The following SRD5A1 variants were observed in gnomAD, a reference collection of about 807,000 sequenced individuals.
SRD5A1 encodes the protein 3-oxo-5-alpha-steroid 4-dehydrogenase 1.
SRD5A1 carries 22 observed loss-of-function variants against 28.2 expected under a neutral mutation model. That is an observed-to-expected ratio of 0.78 (90% confidence interval 0.56 to 1.12). The LOEUF is 1.12. Ranked by LOEUF, SRD5A1 falls within the 50% of genes most tolerant of loss-of-function variation. The pLI, the probability that SRD5A1 is intolerant of heterozygous loss-of-function variation, is 0.00. For synonymous variants in SRD5A1, 151 were observed against 135.0 expected, an observed-to-expected ratio of 1.12 and a Z score of -0.82; for missense variants, 300 against 346.7, an observed-to-expected ratio of 0.87 and a Z score of 1.07.
At chr5:6,644,660 A>G (rs1412556875) in intron 1 of SRD5A1, 12 of 357,290 alleles carry the variant, frequency 3.4e-5, no homozygotes, top group Non-Finnish European at 6.6e-5. Flanking sequence ...GTCTAACACA[A>G]GGCCTCCTGT....
At chr5:6,639,426 T>G (rs1738295246) in intron 1 of SRD5A1, among the ~76,000 whole-genome samples, 1 of 152,220 alleles carries the variant, frequency 6.6e-6, no homozygotes, top group African/African-American at 2.4e-5. Flanking sequence ...TTTGAATAGC[T>G]GGAGAAATCA....
Position 6,662,977 on chromosome 5 carries a change from A to T in SRD5A1, c.713+11A>T, listed in dbSNP as rs368578687. 6.2e-7 allele frequency: 1 copy of T among 1,613,514 alleles called. No homozygotes were observed. Among genetic ancestry groups the T allele is most frequent in the African/African-American group, 1.3e-5 (1 of 74,906 alleles). ...AAAAGAGCATCATGAGTAAGTTTTA[A>T]AACACTTTTACCATTTGTAATTTGT... On this transcript the variant is annotated intron_variant, in intron 4 of 4. Transcript: ENST00000274192.
chr5:6,647,468 G>A (rs1738540801), intron 1 of SRD5A1, among the ~76,000 whole-genome samples: 1 of 152,036 alleles, frequency 6.6e-6, no homozygotes, highest in African/African-American at 2.4e-5. Context: ...TCCTGTATTG[G>A]GTGCATATAT....
At chr5:6,636,702 A>C (rs8192137) in intron 1 of SRD5A1, among the ~76,000 whole-genome samples, 1 of 152,214 alleles carries the variant, frequency 6.6e-6, no homozygotes, top group East Asian at 1.9e-4. Flanking sequence ...AGGTGAAGGA[A>C]GGGATAGAGG....
At chr5:6,641,379 G>T (rs1415481300) in intron 1 of SRD5A1, among the ~76,000 whole-genome samples, 1 of 152,184 alleles carries the variant, frequency 6.6e-6, no homozygotes, top group African/African-American at 2.4e-5. Flanking sequence ...AAGCTAAAGG[G>T]AATGGCCCGC....
chr5:6,639,549 C>T (rs1193903725), intron 1 of SRD5A1, among the ~76,000 whole-genome samples: 1 of 152,156 alleles, frequency 6.6e-6, no homozygotes, highest in Non-Finnish European at 1.5e-5. Context: ...GAGGCAGCCC[C>T]GATGATTTTG....
Position 6,674,169 on chromosome 5 carries a change from ATTAT to A in SRD5A1, c.*5903_*5906del, listed in dbSNP as rs1407802486. On this transcript the variant is annotated 3_prime_UTR_variant, in exon 5 of 5. Transcript: ENST00000274192. ...TCATTATTATCTAAAATGTTATTTA[ATTAT>A]TAAATTTAGATGCTACTTAATTTTT... is the stretch of plus-strand genomic sequence containing the variant. 4.7e-5 allele frequency: 7 copies of A among 150,530 alleles called. No individual in the cohort carries two copies. Among genetic ancestry groups the A allele is most frequent in the Non-Finnish European group, 7.4e-5 (5 of 67,954 alleles). 9.3% of individuals were successfully genotyped at this position (150,530 alleles called of 1,614,324 possible).
intron 3 of SRD5A1, among the ~76,000 whole-genome samples, chr5:6,660,285 C>T (rs943367508): frequency 2.0e-5 from 3 of 152,182 alleles, no homozygotes; most frequent in Admixed American, 6.5e-5. Context: ...CTTACCAGTC[C>T]ACCCATACGG....
chr5:6,644,476 G>A (rs796885535), intron 1 of SRD5A1, among the ~76,000 whole-genome samples: 10 of 152,200 alleles, frequency 6.6e-5, no homozygotes, highest in African/African-American at 2.4e-4. Context: ...TAACTCTCAG[G>A]GAAGTTTTCT....
In SRD5A1 at chr5:6,671,263, T is replaced by A. The variant is rs554716450; in HGVS notation, c.*2995T>A. On this transcript the variant is annotated 3_prime_UTR_variant, in exon 5 of 5. Coordinates refer to ENST00000274192, the MANE Select transcript of SRD5A1 (RefSeq NM_001047.4). Reference sequence around the variant, plus strand: ...TGCATTTCCCTGATCATTAGTGATGTTGAGCATTTTTTCATACTTTGTTGG... The same window carrying A: ...TGCATTTCCCTGATCATTAGTGATGATGAGCATTTTTTCATACTTTGTTGG... 9 of 152,348 alleles carry A rather than the reference T, an allele frequency of 5.9e-5. No homozygotes were observed. The highest frequency in any genetic ancestry group is 2.2e-4 in the African/African-American group (9 of 41,576). 9.4% of individuals were successfully genotyped at this position (152,348 alleles called of 1,614,324 possible).
In SRD5A1 at chr5:6,640,987, T is replaced by C. The variant is rs8192160; in HGVS notation, c.293+7118T>C. Among the ~76,000 whole-genome samples the C allele has an allele frequency of 5.5e-3, 837 of 152,306 alleles. 6 individuals are homozygous for C. The highest frequency in any genetic ancestry group is 0.018 in the African/African-American group (758 of 41,572). On this transcript the variant is annotated intron_variant, in intron 1 of 4. Coordinates refer to ENST00000274192, the MANE Select transcript of SRD5A1 (RefSeq NM_001047.4). ...ATAGTTGTTTCCCATTGTTCCTCTA[T>C]GGAAGGGTGATTTTGGGTGCGAATG...
chr5:6,650,042 C>T (rs756664585), intron 1 of SRD5A1, among the ~76,000 whole-genome samples: 8 of 152,150 alleles, frequency 5.3e-5, no homozygotes, highest in Admixed American at 1.3e-4. Flanking sequence ...TCATTGGTAA[C>T]AGTGCTATTC....
At chr5:6,636,644 T>A (rs8192135) in intron 1 of SRD5A1, among the ~76,000 whole-genome samples, 54,172 of 152,024 alleles carry the variant, frequency 0.36, 9,977 homozygotes, top group Middle Eastern at 0.43. Context: ...AGCAACTGAC[T>A]GTTCTGGGAA....
chr5:6,646,932 T>C (rs1328635161), intron 1 of SRD5A1, among the ~76,000 whole-genome samples: 1 of 152,224 alleles, frequency 6.6e-6, no homozygotes. Flanking sequence ...AATTTCCCTC[T>C]ACACACTGCT....
chr5:6,646,642 T>G (rs193020411), intron 1 of SRD5A1, among the ~76,000 whole-genome samples: 9 of 152,356 alleles, frequency 5.9e-5, no homozygotes, highest in Non-Finnish European at 1.0e-4. Flanking sequence ...CATTTTTTAT[T>G]GCATCTATTT....
chr5:6,657,193 A>G (rs1194331745), intron 3 of SRD5A1, among the ~76,000 whole-genome samples: 1 of 152,234 alleles, frequency 6.6e-6, no homozygotes. Context: ...CAAACCTCAA[A>G]TTACTTAAAC....
At chr5:6,639,312 A>G (rs1461607324) in intron 1 of SRD5A1, among the ~76,000 whole-genome samples, 2 of 152,190 alleles carry the variant, frequency 1.3e-5, no homozygotes, top group Non-Finnish European at 2.9e-5. Context: ...ATACTGTGCT[A>G]TATTTTGAGT....
At chr5:6,649,285 G>C (rs2126535601) in intron 1 of SRD5A1, among the ~76,000 whole-genome samples, 1 of 152,332 alleles carries the variant, frequency 6.6e-6, no homozygotes, top group South Asian at 2.1e-4. Flanking sequence ...AGAGCTGTCA[G>C]GCAGAGACGT....
At chr5:6,644,835 T>C (rs993001156) in intron 1 of SRD5A1, 2 of 455,454 alleles carry the variant, frequency 4.4e-6, no homozygotes, top group Admixed American at 2.4e-5. Flanking sequence ...GCACTTGCAG[T>C]GTGCCTACAT....
Sources: gnomAD v4.1 joint callset for allele counts (sites outside exome capture counted in the v4.1 genomes callset) on GRCh38, gnomAD v4.1.1 for gene constraint, MANE v1.5 for transcripts, NCBI Gene and HGNC (gene_info 2026-07-23, HGNC 2026-07-21) for gene names.